PDE4DIP: variants seen among roughly 807,000 people sequenced by gnomAD.
PDE4DIP encodes the protein phosphodiesterase 4D interacting protein, also known as myomegalin.
A neutral mutation model predicts 221.4 loss-of-function variants in PDE4DIP; 59 were observed. The ratio of observed to expected loss-of-function variants is 0.27; its 90% CI spans 0.22 to 0.33. The LOEUF is 0.33. Among genes scored for constraint, PDE4DIP ranks in the 10% least tolerant of loss-of-function variants. PDE4DIP has a pLI of 1.00. For synonymous variants in PDE4DIP, 404 were observed against 815.9 expected (o/e 0.50, Z 8.60); for missense variants, 1,036 against 2,154.2 (o/e 0.48, Z 10.28).
chr1:148,885,476 GGAA>G (rs1381580907), upstream of PDE4DIP, among the ~76,000 whole-genome samples: 1 of 141,654 alleles, frequency 7.1e-6, no homozygotes, highest in African/African-American at 2.5e-5. Context: ...GAGAGTGGTA[GGAA>G]GAAGTAGAGG....
At chr1:148,978,211 C>T (rs781869913) in intron 18 of PDE4DIP, 67 bp from the exon 22 acceptor site, 30 of 1,391,764 alleles carry the variant, frequency 2.2e-5, no homozygotes, top group Admixed American at 3.7e-5. Context: ...CATTTGTTCC[C>T]GTGCTACTCT....
At chr1:149,006,451 A>C (rs587663193) in intron 27 of PDE4DIP, 1 of 152,144 alleles carries the variant, frequency 6.6e-6, no homozygotes, top group African/African-American at 2.4e-5. Context: ...TCATTGCAAA[A>C]TGTAGTCAGC....
At chr1:148,995,620 T>C (rs2064027976) in intron 22 of PDE4DIP, among the ~76,000 whole-genome samples, 1 of 149,758 alleles carries the variant, frequency 6.7e-6, no homozygotes, top group Admixed American at 6.7e-5. Context: ...AAAAAACCAA[T>C]AAGACAGATA....
At chr1:149,025,286 C>T (rs1353339763) in intron 38 of PDE4DIP, among the ~76,000 whole-genome samples, 2 of 151,946 alleles carry the variant, frequency 1.3e-5, no homozygotes, top group African/African-American at 4.8e-5. Flanking sequence ...CTCATTGTGC[C>T]CTGTCTCAGT....
At chr1:148,981,560 C>G (rs2061075982) in intron 21 of PDE4DIP, 163 bp downstream of exon 24, 1 of 745,196 alleles carries the variant, frequency 1.3e-6, no homozygotes, top group Non-Finnish European at 2.2e-6. Context: ...AGAACTGGTA[C>G]AAGTAGCATC....
intron 4 of PDE4DIP, among the ~76,000 whole-genome samples, chr1:148,937,381 G>C (rs1184309874): frequency 3.3e-5 from 5 of 152,148 alleles, no homozygotes; most frequent in Admixed American, 6.5e-5. Flanking sequence ...ACTTGGTAGA[G>C]TGCATTGAGT....
At chr1:149,021,982 C>T (rs587746462) in intron 37 of PDE4DIP, among the ~76,000 whole-genome samples, 5 of 147,728 alleles carry the variant, frequency 3.4e-5, no homozygotes, top group Admixed American at 1.3e-4. Flanking sequence ...ACATCAATGT[C>T]GTGAAATTTA....
At chr1:149,030,016 G>C (rs1199776082) in intron 42 of PDE4DIP, 91 bp downstream of exon 45, 5 of 620,334 alleles carry the variant, frequency 8.1e-6, no homozygotes, top group Non-Finnish European at 5.5e-6. Flanking sequence ...AGGGGGGCTT[G>C]GGGATGTTGG....
At chr1:148,965,519 A>G (rs1230383175) in exon 10 of PDE4DIP, 1 of 1,613,366 alleles carries the variant, frequency 6.2e-7, no homozygotes, top group Non-Finnish European at 8.5e-7. Context: ...TACAAGAAGA[A>G]TTGCAGAATA....
chr1:148,813,090 A>G (rs1666844250), intron 1 of PDE4DIP, among the ~76,000 whole-genome samples: 2 of 60,476 alleles, frequency 3.3e-5, no homozygotes, highest in Admixed American at 3.2e-4. Flanking sequence ...CATGTCTTTC[A>G]TTTCTCTTGG....
chr1:149,005,073 A>C, exon 27 of PDE4DIP: 1 of 1,613,364 alleles, frequency 6.2e-7, no homozygotes, highest in Non-Finnish European at 8.5e-7. Flanking sequence ...GTCAGAAAAC[A>C]TCTTGGTCCT....
At chr1:148,838,722 T>C (rs1410808687) in intron 1 of PDE4DIP, among the ~76,000 whole-genome samples, 7 of 117,496 alleles carry the variant, frequency 6.0e-5, no homozygotes, top group African/African-American at 2.0e-4. Context: ...CTTTGTAGTT[T>C]TGAAATTCTG....
chr1:148,987,005 AATAATT>A (rs1339892093), intron 21 of PDE4DIP, among the ~76,000 whole-genome samples: 1 of 152,168 alleles, frequency 6.6e-6, no homozygotes, highest in African/African-American at 2.4e-5. Flanking sequence ...AGTTGTATTG[AATAATT>A]ACCCTTTTGG....
chr1:148,922,848 A>G (rs2045763212), intron 1 of PDE4DIP, among the ~76,000 whole-genome samples: 1 of 150,842 alleles, frequency 6.6e-6, no homozygotes, highest in South Asian at 2.1e-4. Context: ...GGCCTCCCAA[A>G]GTGCTGGGAT....
intron 23 of PDE4DIP, chr1:148,999,219 G>T (rs1312012257): frequency 6.7e-6 from 1 of 148,646 alleles, no homozygotes; most frequent in East Asian, 2.0e-4. Flanking sequence ...TTTGTCAAAA[G>T]CTCCTTGGAG....
chr1:149,020,076 G>T, intron 35 of PDE4DIP, 71 bp from the exon 39 acceptor site: 3 of 495,296 alleles, frequency 6.1e-6, no homozygotes, highest in Middle Eastern at 5.4e-4. Context: ...CAGGGTGGAT[G>T]TGCTTGGGGT....
chr1:148,867,310 GC>G (rs1553409013), intron 2 of PDE4DIP, among the ~76,000 whole-genome samples: 2 of 64,056 alleles, frequency 3.1e-5, no homozygotes, highest in Non-Finnish European at 6.1e-5. Flanking sequence ...GATTGGTTCT[GC>G]CACTTTTTAG....
chr1:148,890,240 T>TGG (rs1697923574), intron 1 of PDE4DIP, among the ~76,000 whole-genome samples: 1 of 33,320 alleles, frequency 3.0e-5, no homozygotes, highest in East Asian at 8.1e-4. Context: ...TGTAGTAATG[T>TGG]GGGGGAAGGT....
chr1:148,948,345 G>T (rs1473310477), intron 5 of PDE4DIP, among the ~76,000 whole-genome samples: 1 of 152,022 alleles, frequency 6.6e-6, no homozygotes, highest in African/African-American at 2.4e-5. Context: ...ATAAGTGTTT[G>T]GTGTACATAT....
Sources: allele counts gnomAD v4.1 joint callset (sites outside exome capture counted in the v4.1 genomes callset), GRCh38; gene constraint gnomAD v4.1.1; transcripts MANE v1.5; gene names NCBI Gene and HGNC (gene_info 2026-07-23, HGNC 2026-07-21).